Variants in KPNA6 observed in about 807,000 individuals in gnomAD.
KPNA6 encodes importin subunit alpha-7.
Under a neutral mutation model 72.0 loss-of-function variants are expected in KPNA6, and 9 were observed. The observed-to-expected ratio is 0.13, with a 90% CI of 0.08 to 0.22. KPNA6 has a LOEUF of 0.22. KPNA6 is among the 10% of genes least tolerant of loss of function. KPNA6 has a pLI of 1.00. For synonymous variants in KPNA6, 219 were observed against 242.1 expected (o/e 0.90, Z 0.89); for missense variants, 374 against 655.7 (o/e 0.57, Z 4.69).
In KPNA6 at chr1:32,162,344, C is replaced by T. The variant is rs773410967; in HGVS notation, c.748-17C>T. The T allele has an allele frequency of 3.8e-6, 6 of 1,562,998 alleles. No individual in the cohort carries two copies. The highest frequency in any genetic ancestry group is 5.2e-6 in the Non-Finnish European group (6 of 1,157,480). On this transcript the variant is annotated splice_polypyrimidine_tract_variant and intron_variant, in intron 8 of 13. Coordinates refer to ENST00000373625, the MANE Select transcript of KPNA6 (RefSeq NM_012316.5). ...GTCTTGTTCCCCTGTGAGTCTTTCTCACTCTGCTTCCCACAGGTCTCTCCT... is the reference window on the plus strand; with the variant it reads ...GTCTTGTTCCCCTGTGAGTCTTTCTTACTCTGCTTCCCACAGGTCTCTCCT...
At chr1:32,162,869 C>T (rs532374102) in intron 9 of KPNA6, among the ~76,000 whole-genome samples, 3 of 150,374 alleles carry the variant, frequency 2.0e-5, no homozygotes, top group Non-Finnish European at 4.4e-5. Flanking sequence ...CTTTGGGAGG[C>T]TGAGGCGGGT....
rs1642479430 is a variant in KPNA6 at position 32,173,782 on chromosome 1, T to TA, written c.*2889dup. ...GGTTATTGCCAGGATGGAGCCCCTCTACCCCAGTCTGCTGTAGGGAATACC... is the reference window on the plus strand; with the variant it reads ...GGTTATTGCCAGGATGGAGCCCCTCTAACCCCAGTCTGCTGTAGGGAATACC... On this transcript the variant is annotated 3_prime_UTR_variant, in exon 14 of 14. Transcript: ENST00000373625. 6.6e-6 allele frequency: 1 copy of TA among 152,268 alleles called. No individual in the cohort carries two copies. Among genetic ancestry groups the TA allele is most frequent in the Non-Finnish European group, 1.5e-5 (1 of 68,066 alleles). 9.4% of individuals were successfully genotyped at this position (152,268 alleles called of 1,614,324 possible).
At chr1:32,159,561 T>C in intron 6 of KPNA6, 30 bp downstream of exon 6, 1 of 1,607,898 alleles carries the variant, frequency 6.2e-7, no homozygotes, top group Non-Finnish European at 8.5e-7. Context: ...TGATTCTTTA[T>C]AGTACCTGTG....
At chr1:32,158,577 T>C (rs1642185161) in intron 5 of KPNA6, among the ~76,000 whole-genome samples, 1 of 152,176 alleles carries the variant, frequency 6.6e-6, no homozygotes, top group Admixed American at 6.6e-5. Flanking sequence ...AATTGTGTAG[T>C]TATTATTGAC....
chr1:32,158,188 A>AAC lies in KPNA6; in HGVS notation c.332-78_332-77insCA. On this transcript the variant is annotated intron_variant, in intron 4 of 13. Coordinates refer to ENST00000373625, the MANE Select transcript of KPNA6 (RefSeq NM_012316.5). ...GTAAGGGTGGTCAGAAGTGTCTAAG[A>AAC]AGGATTGCAAGCTGACCCCCATGAA... The AAC allele has an allele frequency of 1.9e-5, 17 of 874,072 alleles. No homozygotes were observed. The South Asian group carries it at 2.4e-4, about 12-fold the overall frequency. 54.1% of individuals were successfully genotyped at this position (874,072 alleles called of 1,614,324 possible).
intron 11 of KPNA6, among the ~76,000 whole-genome samples, chr1:32,166,783 G>A (rs10737362): frequency 0.99 from 146,455 of 148,172 alleles, 72,370 homozygotes; most frequent in South Asian, 1. Context: ...CAAAAAAAAA[G>A]AAAAATTAGC....
At chr1:32,134,095 T>A (rs1340265102) in intron 1 of KPNA6, among the ~76,000 whole-genome samples, 1 of 151,186 alleles carries the variant, frequency 6.6e-6, no homozygotes, top group African/African-American at 2.4e-5. Context: ...ATACAAAATT[T>A]TTTTTTTTTT....
chr1:32,130,023 TCA>T (rs1416084685), intron 1 of KPNA6, among the ~76,000 whole-genome samples: 1 of 152,162 alleles, frequency 6.6e-6, no homozygotes, highest in Non-Finnish European at 1.5e-5. Context: ...AAGTTATGCC[TCA>T]GTTTGCCTAC....
Position 32,153,016 on chromosome 1 carries a change from CAAA to C in KPNA6, c.5-1552_5-1550del, listed in dbSNP as rs766574019. ...TGGGTGACAGAGTGAGACTCCATCT[CAAA>C]AAAAAAAAAAAAAAAAAAAGTATAG... On this transcript the variant is annotated intron_variant, in intron 1 of 13. Coordinates refer to ENST00000373625, the MANE Select transcript of KPNA6 (RefSeq NM_012316.5). 2.6e-4 allele frequency among the ~76,000 whole-genome samples: 9 copies of C among 34,950 alleles called. No individual in the cohort carries two copies. In the East Asian group the frequency reaches 3.3e-3, roughly 13 times the overall value. 22.9% of individuals were successfully genotyped at this position (34,950 alleles called of 152,430 possible).
intron 1 of KPNA6, among the ~76,000 whole-genome samples, chr1:32,112,122 C>G (rs1448042146): frequency 2.0e-5 from 3 of 152,216 alleles, no homozygotes; most frequent in African/African-American, 7.2e-5. Context: ...GCCTGGGGAA[C>G]TTGTGGAGAA....
At chr1:32,161,446 A>G (rs1257249984) in intron 7 of KPNA6, among the ~76,000 whole-genome samples, 1 of 152,236 alleles carries the variant, frequency 6.6e-6, no homozygotes, top group Non-Finnish European at 1.5e-5. Flanking sequence ...AGAGTAAACT[A>G]TGCCTAAACC....
chr1:32,161,802 C>A (rs898648992), intron 7 of KPNA6, 145 bp from the exon 8 acceptor site: 13 of 642,944 alleles, frequency 2.0e-5, no homozygotes, highest in Admixed American at 7.9e-5. Flanking sequence ...TAACCTATAC[C>A]AGCTCTATTA....
At chr1:32,122,520 G>A (rs533432795) in intron 1 of KPNA6, among the ~76,000 whole-genome samples, 10 of 152,236 alleles carry the variant, frequency 6.6e-5, no homozygotes, top group African/African-American at 2.4e-4. Flanking sequence ...CACAGTGGCT[G>A]ATGCCTGTAA....
intron 10 of KPNA6, 31 bp downstream of exon 10, chr1:32,163,344 C>T (rs769066401): frequency 1.3e-6 from 2 of 1,522,160 alleles, no homozygotes; most frequent in Non-Finnish European, 9.1e-7. Context: ...GGATCTTAGA[C>T]CAGCTATGGA....
intron 1 of KPNA6, among the ~76,000 whole-genome samples, chr1:32,123,325 A>T (rs1641471321): frequency 6.6e-6 from 1 of 152,000 alleles, no homozygotes; most frequent in South Asian, 2.1e-4. Context: ...TTTCCCCCTA[A>T]TGTACCTGCC....
intron 1 of KPNA6, among the ~76,000 whole-genome samples, chr1:32,143,723 C>T (rs1165614053): frequency 6.6e-6 from 1 of 152,090 alleles, no homozygotes; most frequent in Admixed American, 6.6e-5. Context: ...TTTACTACCC[C>T]TAACAGAAAT....
At chr1:32,151,373 G>C (rs1452043455) in intron 1 of KPNA6, among the ~76,000 whole-genome samples, 1 of 152,168 alleles carries the variant, frequency 6.6e-6, no homozygotes, top group Admixed American at 6.5e-5. Flanking sequence ...GCGAGCTCTG[G>C]GAACTGCTGA....
chr1:32,164,688 ATT>A (rs1188325674), intron 10 of KPNA6, among the ~76,000 whole-genome samples: 10 of 118,416 alleles, frequency 8.4e-5, no homozygotes, highest in Admixed American at 2.5e-4. Flanking sequence ...CCATCTGTGT[ATT>A]TTTTTTTTTT....
At position 32,108,077 on chromosome 1, in the gene KPNA6, C is replaced by A. The variant is rs1002597045; in HGVS notation, c.-54C>A. The stretch of plus-strand genomic sequence containing the variant: ...CGCCATATTGTCTACTGAAAGCTGC[C>A]GCTGAAGCTGCCGCCGTTGCCTCCG... On this transcript the variant is annotated 5_prime_UTR_variant, in exon 1 of 14. Coordinates refer to ENST00000373625, the MANE Select transcript of KPNA6 (RefSeq NM_012316.5). 19 of 1,613,446 alleles carry A rather than the reference C, an allele frequency of 1.2e-5. No individual in the cohort carries two copies. In the African/African-American group the frequency reaches 1.2e-4, roughly 10 times the overall value.
Sources: allele counts gnomAD v4.1 joint callset (sites outside exome capture counted in the v4.1 genomes callset), GRCh38; gene constraint gnomAD v4.1.1; transcripts MANE v1.5; gene names NCBI Gene and HGNC (gene_info 2026-07-23, HGNC 2026-07-21).